The following ZBTB20 variants were observed in gnomAD, a reference collection of about 807,000 sequenced individuals.
The protein encoded by ZBTB20 is zinc finger and BTB domain-containing protein 20.
A neutral mutation model predicts 56.9 loss-of-function variants in ZBTB20; 9 were observed. That is an observed-to-expected ratio of 0.16 (90% confidence interval 0.10 to 0.28). ZBTB20 has a LOEUF of 0.28. Ranked by LOEUF, ZBTB20 falls within the 10% of genes least tolerant of loss-of-function variation. The pLI is 1.00. For missense variants in ZBTB20, 655 were observed against 1,003.0 expected (o/e 0.65, Z 4.69); for synonymous variants, 417 against 420.7 (o/e 0.99, Z 0.11).
intron 6 of ZBTB20, among the ~76,000 whole-genome samples, chr3:114,610,981 A>T (rs1335156580): frequency 6.6e-6 from 1 of 152,212 alleles, no homozygotes; most frequent in African/African-American, 2.4e-5. Flanking sequence ...GTCCAAAGAA[A>T]GGCCAACAGG....
intron 7 of ZBTB20, among the ~76,000 whole-genome samples, chr3:114,487,071 G>T (rs1167767180): frequency 2.6e-5 from 4 of 152,190 alleles, no homozygotes; most frequent in Non-Finnish European, 5.9e-5. Context: ...AAACAAGTAG[G>T]ATGCGTGTAT....
chr3:114,644,155 TA>T (rs1264944174), intron 6 of ZBTB20, among the ~76,000 whole-genome samples: 1 of 151,968 alleles, frequency 6.6e-6, no homozygotes. Context: ...CCTAGAAGAT[TA>T]AAAATGAGAA....
intron 7 of ZBTB20, among the ~76,000 whole-genome samples, chr3:114,404,593 G>T (rs2087127316): frequency 1.3e-5 from 2 of 152,002 alleles, no homozygotes; most frequent in Admixed American, 6.6e-5. Flanking sequence ...AAAGAGAATG[G>T]TACATATTGG....
rs577273528 is a variant in ZBTB20, at chr3:114,608,234, T to C, written c.-295+85294A>G. Among the ~76,000 whole-genome samples, 119 of 152,286 alleles carry C rather than the reference T, an allele frequency of 7.8e-4. 1 individual carries two copies. The highest frequency in any genetic ancestry group is 2.9e-3 in the South Asian group (14 of 4,822). On this transcript the variant is annotated intron_variant, in intron 6 of 11. Coordinates refer to ENST00000675478, the MANE Select transcript of ZBTB20 (RefSeq NM_001348800.3). ...TTCCTGGGAAGAGCATAGGAAGAAATGTAACTATAGGATCACTTTTATATG... is the reference window on the plus strand; with the variant it reads ...TTCCTGGGAAGAGCATAGGAAGAAACGTAACTATAGGATCACTTTTATATG...
chr3:115,057,192 T>C (rs918778417), intron 2 of ZBTB20, among the ~76,000 whole-genome samples: 1 of 152,184 alleles, frequency 6.6e-6, no homozygotes, highest in Non-Finnish European at 1.5e-5. Flanking sequence ...TCATTGCATT[T>C]ATTGATATAA....
chr3:115,097,722 G>C (rs1483074188), intron 1 of ZBTB20, among the ~76,000 whole-genome samples: 1 of 152,188 alleles, frequency 6.6e-6, no homozygotes, highest in East Asian at 1.9e-4. Flanking sequence ...CTGATAGGAA[G>C]AGCCCACTAT....
At chr3:114,612,417 T>C (rs2057629652) in intron 6 of ZBTB20, among the ~76,000 whole-genome samples, 1 of 152,192 alleles carries the variant, frequency 6.6e-6, no homozygotes, top group African/African-American at 2.4e-5. Flanking sequence ...CATTATTAAC[T>C]GTTGTGATAA....
chr3:114,573,501 A>G lies in ZBTB20; in HGVS notation c.-294-73110T>C, dbSNP rs139831112. Among the ~76,000 whole-genome samples, 57 of 149,050 alleles carry G rather than the reference A, an allele frequency of 3.8e-4. 1 individual carries two copies. The East Asian group carries it at 0.011, about 29-fold the overall frequency. ...AGAAAGAAAGACAGAAAGAAAGATG[A>G]AAGAAAGAAAAGAAAGAAACAGAGA... On this transcript the variant is annotated intron_variant, in intron 6 of 11. Coordinates refer to ENST00000675478, the MANE Select transcript of ZBTB20 (RefSeq NM_001348800.3).
At chr3:115,022,025 A>G (rs2108306184) in intron 2 of ZBTB20, among the ~76,000 whole-genome samples, 1 of 150,810 alleles carries the variant, frequency 6.6e-6, no homozygotes, top group Non-Finnish European at 1.5e-5. Flanking sequence ...ACACTTTATT[A>G]ACAGTTTTGA....
At chr3:114,935,910 A>C (rs1371136234) in intron 3 of ZBTB20, among the ~76,000 whole-genome samples, 3 of 152,188 alleles carry the variant, frequency 2.0e-5, no homozygotes, top group Non-Finnish European at 4.4e-5. Flanking sequence ...TGCATGTTAT[A>C]ATTGCCTACC....
At chr3:114,444,632 T>C (rs930145272) in intron 7 of ZBTB20, among the ~76,000 whole-genome samples, 2 of 152,188 alleles carry the variant, frequency 1.3e-5, no homozygotes, top group Non-Finnish European at 2.9e-5. Flanking sequence ...AAGCATTTTA[T>C]CTCTTCTCTG....
chr3:114,594,928 T>C (rs1051070936), intron 6 of ZBTB20, among the ~76,000 whole-genome samples: 3 of 152,260 alleles, frequency 2.0e-5, no homozygotes, highest in Non-Finnish European at 4.4e-5. Flanking sequence ...CATTAGAAGC[T>C]GTGCATGTTA....
chr3:114,797,644 A>T (rs1260483912), intron 5 of ZBTB20, among the ~76,000 whole-genome samples: 1 of 152,004 alleles, frequency 6.6e-6, no homozygotes, highest in Non-Finnish European at 1.5e-5. Flanking sequence ...GGCACAGAAC[A>T]TTAATTCATT....
At position 115,001,294 on chromosome 3, in the gene ZBTB20, T is replaced by C. The variant is rs1022070236; in HGVS notation, c.-506-26878A>G. On this transcript the variant is annotated intron_variant, in intron 2 of 11. Coordinates refer to ENST00000675478, the MANE Select transcript of ZBTB20 (RefSeq NM_001348800.3). ...ATTCCTACAAGATAAAGAAGTCAGATTACTCTTTTATATCCAATGGAATAC... is the reference window on the plus strand; with the variant it reads ...ATTCCTACAAGATAAAGAAGTCAGACTACTCTTTTATATCCAATGGAATAC... 3.3e-5 allele frequency among the ~76,000 whole-genome samples: 5 copies of C among 151,386 alleles called. 1 individual carries two copies. The highest frequency in any genetic ancestry group is 3.3e-4 in the Admixed American group (5 of 15,154).
intron 6 of ZBTB20, among the ~76,000 whole-genome samples, chr3:114,515,537 A>C (rs763209627): frequency 6.6e-6 from 1 of 152,170 alleles, no homozygotes; most frequent in Non-Finnish European, 1.5e-5. Flanking sequence ...ATTTGCTCCT[A>C]GTCAGTTTCC....
chr3:114,847,191 G>C (rs1323348744), intron 4 of ZBTB20, among the ~76,000 whole-genome samples: 1 of 151,922 alleles, frequency 6.6e-6, no homozygotes, highest in South Asian at 2.1e-4. Context: ...TTCTCACAAG[G>C]GCTATTTTTC....
chr3:114,672,310 C>T (rs1245510003), intron 6 of ZBTB20, among the ~76,000 whole-genome samples: 1 of 152,076 alleles, frequency 6.6e-6, no homozygotes, highest in Non-Finnish European at 1.5e-5. Flanking sequence ...ATTAAAAGAA[C>T]TTTTCTTGGT....
At chr3:114,483,806 T>C (rs1392538127) in intron 7 of ZBTB20, among the ~76,000 whole-genome samples, 1 of 152,174 alleles carries the variant, frequency 6.6e-6, no homozygotes, top group African/African-American at 2.4e-5. Flanking sequence ...GGAATTATGA[T>C]GTGAGCTTTA....
At chr3:114,878,608 A>G (rs990984065) in intron 4 of ZBTB20, among the ~76,000 whole-genome samples, 1 of 150,272 alleles carries the variant, frequency 6.7e-6, no homozygotes, top group Admixed American at 6.6e-5. Context: ...ACTGAAAACC[A>G]GGGACCCTTG....
Sources: gnomAD v4.1 joint callset for allele counts (sites outside exome capture counted in the v4.1 genomes callset) on GRCh38, gnomAD v4.1.1 for gene constraint, MANE v1.5 for transcripts, NCBI Gene and HGNC (gene_info 2026-07-23, HGNC 2026-07-21) for gene names.